RANBP2: variants seen among roughly 807,000 people sequenced by gnomAD.
The protein encoded by RANBP2 is RAN binding protein 2, also known as E3 SUMO-protein ligase RanBP2.
In RANBP2, 57 loss-of-function variants were observed where a neutral mutation model predicts 303.6. That is an observed-to-expected ratio of 0.19 (90% CI 0.15 to 0.23). The LOEUF is 0.23. RANBP2 is among the 10% of genes least tolerant of loss of function. The pLI, the probability that RANBP2 is intolerant of heterozygous loss-of-function variation, is 1.00. For missense variants in RANBP2, 3,138 were observed against 3,780.8 expected (o/e 0.83, Z 4.46); for synonymous variants, 1,167 against 1,301.5 (o/e 0.90, Z 2.23).
chr2:108,759,345 T>C (rs1418668591), intron 18 of RANBP2, among the ~76,000 whole-genome samples: 1 of 152,184 alleles, frequency 6.6e-6, no homozygotes, highest in East Asian at 1.9e-4. Flanking sequence ...ATACAGCTAG[T>C]TATTGATAGA....
At chr2:109,440,303 C>G in the RANBP2 span, among the ~76,000 whole-genome samples, 4 of 152,142 alleles carry the variant, frequency 2.6e-5, no homozygotes, top group Non-Finnish European at 5.9e-5. Context: ...ATGGGGAGCT[C>G]TTGGGCCGCC....
At chr2:108,772,621 A>G (rs748925546) in intron 22 of RANBP2, 40 bp downstream of exon 22, 2 of 1,549,642 alleles carry the variant, frequency 1.3e-6, no homozygotes, top group Admixed American at 1.7e-5. Context: ...GCTTTTAACA[A>G]GTCTTCTATT....
the RANBP2 span, among the ~76,000 whole-genome samples, chr2:109,413,488 G>C: frequency 3.7e-4 from 56 of 152,236 alleles, no homozygotes; most frequent in African/African-American, 1.3e-3. Context: ...CCCTGTCTCT[G>C]TCTGTCTGTC....
chr2:109,566,841 C>T, the RANBP2 span, among the ~76,000 whole-genome samples: 6 of 152,090 alleles, frequency 3.9e-5, no homozygotes, highest in East Asian at 3.9e-4. Context: ...AGGATTAATA[C>T]AGGGGAAAAG....
At chr2:109,103,573 A>G in the RANBP2 span, among the ~76,000 whole-genome samples, 1 of 152,182 alleles carries the variant, frequency 6.6e-6, no homozygotes. Flanking sequence ...AAGTCAGCAG[A>G]AAGAAATGCT....
At chr2:108,737,521 T>G (rs1296808508) in intron 6 of RANBP2, among the ~76,000 whole-genome samples, 5 of 149,388 alleles carry the variant, frequency 3.3e-5, no homozygotes, top group Non-Finnish European at 7.4e-5. Context: ...GTATTTTTAG[T>G]AGAGACGGGG....
Position 108,782,817 on chromosome 2 carries a change from C to G in RANBP2, c.9324C>G (p.Phe3108Leu), listed in dbSNP as rs760722126. ...GCACTGGAGAGAAAGGCTTTGGTTT[C>G]AAGAATTCCATTTTTCACAGAGTAA... The part of the protein sequence containing the change: ...ALCTGEKGFG[F>L]KNSIFHRVIP... The change falls in exon 28 of 29, where the codon TTC (phenylalanine) becomes TTG (leucine). Residue 3108 changes from phenylalanine to leucine, a missense_variant. Physicochemically the swap from Phe to Leu is conservative, Grantham distance 22 (BLOSUM62 0). This residue lies in a region of RANBP2 where 204 missense variants were observed against 228.4 expected (regional missense o/e 0.89). Transcript: ENST00000283195. 1 of 1,614,084 alleles carries G rather than the reference C, an allele frequency of 6.2e-7. No individual in the cohort carries two copies. The highest frequency in any genetic ancestry group is 2.2e-5 in the East Asian group (1 of 44,876).
the RANBP2 span, among the ~76,000 whole-genome samples, chr2:109,180,877 G>C: frequency 6.6e-6 from 1 of 152,184 alleles, no homozygotes; most frequent in African/African-American, 2.4e-5. Context: ...CTGAGTCCAG[G>C]GCAAGCTTAC....
At chr2:109,526,231 T>A in the RANBP2 span, among the ~76,000 whole-genome samples, 4 of 152,170 alleles carry the variant, frequency 2.6e-5, no homozygotes, top group African/African-American at 9.7e-5. Context: ...CTTTCTTGGG[T>A]TTAAGCCCAG....
At chr2:109,153,335 T>C in the RANBP2 span, among the ~76,000 whole-genome samples, 2 of 152,244 alleles carry the variant, frequency 1.3e-5, no homozygotes, top group African/African-American at 2.4e-5. Flanking sequence ...ATGCCTTTTT[T>C]TCTCTCTTCT....
At chr2:109,278,860 G>A in the RANBP2 span, among the ~76,000 whole-genome samples, 1 of 152,218 alleles carries the variant, frequency 6.6e-6, no homozygotes, top group Admixed American at 6.5e-5. Context: ...CAAGTGTGGG[G>A]ACGTGCACTC....
the RANBP2 span, among the ~76,000 whole-genome samples, chr2:109,174,475 C>T: frequency 6.6e-6 from 1 of 152,186 alleles, no homozygotes; most frequent in African/African-American, 2.4e-5. Flanking sequence ...GGCACCAGGC[C>T]ACACTCACTT....
At chr2:109,462,663 C>G in the RANBP2 span, among the ~76,000 whole-genome samples, 3 of 152,210 alleles carry the variant, frequency 2.0e-5, no homozygotes, top group Non-Finnish European at 4.4e-5. Flanking sequence ...ACTGGCCTTT[C>G]TTGCATAACA....
the RANBP2 span, among the ~76,000 whole-genome samples, chr2:109,246,470 T>C: frequency 5.9e-5 from 9 of 152,308 alleles, no homozygotes; most frequent in African/African-American, 2.2e-4. Context: ...CTAATAGCAT[T>C]ACCTTGGAGG....
At chr2:109,593,048 C>CA in the RANBP2 span, 8 of 1,577,634 alleles carry the variant, frequency 5.1e-6, no homozygotes, top group Non-Finnish European at 6.0e-6. Flanking sequence ...AAGACATACT[C>CA]ACTATCTGTT....
the RANBP2 span, among the ~76,000 whole-genome samples, chr2:109,633,148 TTG>T: frequency 6.6e-6 from 1 of 152,016 alleles, no homozygotes; most frequent in Non-Finnish European, 1.5e-5. Flanking sequence ...TCCCAGAACT[TTG>T]GGAGGCCATG....
chr2:109,209,291 G>A, the RANBP2 span, among the ~76,000 whole-genome samples: 8 of 152,140 alleles, frequency 5.3e-5, no homozygotes, highest in African/African-American at 1.9e-4. Context: ...CAGGTCCTGC[G>A]CGGGTGATTT....
the RANBP2 span, chr2:109,593,007 G>T: frequency 1.5e-6 from 2 of 1,296,594 alleles, no homozygotes; most frequent in Non-Finnish European, 2.1e-6. Flanking sequence ...AATCATAGAA[G>T]CATTTAGAGT....
At chr2:109,061,422 T>G in the RANBP2 span, among the ~76,000 whole-genome samples, 2 of 152,180 alleles carry the variant, frequency 1.3e-5, no homozygotes, top group African/African-American at 2.4e-5. Flanking sequence ...GGAGTCATCT[T>G]GCTCATCTCT....
Sources: allele counts gnomAD v4.1 joint callset (sites outside exome capture counted in the v4.1 genomes callset), GRCh38; gene constraint gnomAD v4.1.1; regional missense constraint gnomAD v4.1.1; transcripts MANE v1.5; gene names NCBI Gene and HGNC (gene_info 2026-07-23, HGNC 2026-07-21).